The following FSTL5 variants were observed in gnomAD, a reference collection of about 807,000 sequenced individuals.
FSTL5 encodes follistatin-related protein 5.
FSTL5 carries 62 observed loss-of-function variants against 89.1 expected under a neutral mutation model. The ratio of observed to expected loss-of-function variants is 0.70; its 90% CI spans 0.57 to 0.86. The LOEUF is 0.86. Ranked by LOEUF, FSTL5 falls within the 40% of genes least tolerant of loss-of-function variation. FSTL5 has a pLI of 0.00. For missense variants in FSTL5, 1,057 were observed against 1,001.6 expected, an observed-to-expected ratio of 1.06 and a Z score of -0.75; for synonymous variants, 383 against 346.2, an observed-to-expected ratio of 1.11 and a Z score of -1.18.
chr4:161,727,804 A>T (rs1739471580), intron 6 of FSTL5, among the ~76,000 whole-genome samples: 1 of 152,228 alleles, frequency 6.6e-6, no homozygotes, highest in South Asian at 2.1e-4. Flanking sequence ...ATATAAGAGA[A>T]GGCTTTCTGG....
intron 10 of FSTL5, among the ~76,000 whole-genome samples, chr4:161,526,848 A>T (rs1392195364): frequency 1.3e-5 from 2 of 152,172 alleles, no homozygotes; most frequent in Non-Finnish European, 2.9e-5. Context: ...TGGTTACTGT[A>T]GCCTTGTAGT....
At chr4:161,679,710 T>A (rs148583459) in intron 6 of FSTL5, among the ~76,000 whole-genome samples, 1 of 151,928 alleles carries the variant, frequency 6.6e-6, no homozygotes, top group African/African-American at 2.4e-5. Context: ...GAGATAAACA[T>A]CTCATTGAGA....
intron 6 of FSTL5, among the ~76,000 whole-genome samples, chr4:161,755,644 A>G (rs1445381811): frequency 6.6e-6 from 1 of 152,050 alleles, no homozygotes; most frequent in Middle Eastern, 3.2e-3. Flanking sequence ...CTGGATGTGG[A>G]AAAATGGTTC....
At position 161,920,446 on chromosome 4, in the gene FSTL5, G is replaced by GT. The variant is rs1293605811; in HGVS notation, c.366dup (p.Gln123ThrfsTer9). 1.2e-6 allele frequency: 2 copies of GT among 1,613,796 alleles called. No individual in the cohort carries two copies. Among genetic ancestry groups the GT allele is most frequent in the Non-Finnish European group, 1.7e-6 (2 of 1,179,924 alleles). On this transcript the variant is annotated frameshift_variant, in exon 4 of 16. Coordinates refer to ENST00000306100, the MANE Select transcript of FSTL5 (RefSeq NM_020116.5). LOFTEE classifies it high-confidence loss of function. ...TCATTGTGAACAATGGTAATCTTTT[G>GT]TTTTTTCAGGCAAGCAGCTCTGTGC...
At chr4:161,723,952 T>C (rs1739306944) in intron 6 of FSTL5, among the ~76,000 whole-genome samples, 1 of 152,040 alleles carries the variant, frequency 6.6e-6, no homozygotes, top group South Asian at 2.1e-4. Flanking sequence ...ATTAAAACTA[T>C]TAAATGTTGA....
intron 4 of FSTL5, among the ~76,000 whole-genome samples, chr4:161,888,946 C>T (rs1436019248): frequency 6.6e-6 from 1 of 152,038 alleles, no homozygotes; most frequent in African/African-American, 2.4e-5. Flanking sequence ...TTTCACAAAA[C>T]ATGGCAGGAG....
intron 15 of FSTL5, among the ~76,000 whole-genome samples, chr4:161,422,606 G>C (rs569917478): frequency 6.6e-6 from 1 of 152,256 alleles, no homozygotes; most frequent in Admixed American, 6.5e-5. Flanking sequence ...ATCCACGCTG[G>C]ACCTTAGGGC....
chr4:161,531,611 T>G (rs1731414051), intron 10 of FSTL5, among the ~76,000 whole-genome samples: 1 of 152,296 alleles, frequency 6.6e-6, no homozygotes, highest in East Asian at 1.9e-4. Context: ...TAGCTTCTGC[T>G]TTGATTGTGA....
intron 15 of FSTL5, among the ~76,000 whole-genome samples, chr4:161,441,336 A>G (rs1468304013): frequency 6.6e-6 from 1 of 151,862 alleles, no homozygotes; most frequent in East Asian, 1.9e-4. Flanking sequence ...AAATTACTTA[A>G]TAAGTATATT....
intron 10 of FSTL5, among the ~76,000 whole-genome samples, chr4:161,537,932 T>A (rs1476097644): frequency 1.3e-5 from 2 of 152,198 alleles, no homozygotes; most frequent in East Asian, 3.8e-4. Flanking sequence ...AAACACCATA[T>A]GTACACTTGC....
At chr4:161,805,115 A>T (rs1729922312) in intron 4 of FSTL5, among the ~76,000 whole-genome samples, 1 of 152,024 alleles carries the variant, frequency 6.6e-6, no homozygotes, top group African/African-American at 2.4e-5. Context: ...AACATCTTTG[A>T]CTCACACTTC....
chr4:161,474,215 G>A (rs73861540), intron 13 of FSTL5, among the ~76,000 whole-genome samples: 4,085 of 152,050 alleles, frequency 0.027, 185 homozygotes, highest in African/African-American at 0.093. Context: ...AGAAAACTCT[G>A]CTCCTTTAAT....
chr4:161,802,685 C>T (rs1445942214), intron 4 of FSTL5, among the ~76,000 whole-genome samples: 5 of 151,468 alleles, frequency 3.3e-5, no homozygotes, highest in Admixed American at 3.3e-4. Flanking sequence ...CTATCATTGC[C>T]GCTAAAAATA....
intron 4 of FSTL5, among the ~76,000 whole-genome samples, chr4:161,842,545 CT>C (rs1253808328): frequency 5.9e-5 from 9 of 152,002 alleles, no homozygotes; most frequent in East Asian, 3.9e-4. Context: ...AAACTTGCCC[CT>C]AATTAATGTC....
At chr4:161,936,558 C>G (rs1734438535) in intron 3 of FSTL5, among the ~76,000 whole-genome samples, 1 of 152,050 alleles carries the variant, frequency 6.6e-6, no homozygotes, top group Non-Finnish European at 1.5e-5. Flanking sequence ...AGCTGCAAAC[C>G]TTATTTATAC....
intron 3 of FSTL5, among the ~76,000 whole-genome samples, chr4:161,966,876 T>G (rs2110999628): frequency 6.6e-6 from 1 of 152,156 alleles, no homozygotes; most frequent in African/African-American, 2.4e-5. Flanking sequence ...TCTACTTGGG[T>G]ATATCTATTC....
At chr4:161,834,315 G>A (rs970331480) in intron 4 of FSTL5, among the ~76,000 whole-genome samples, 9 of 152,176 alleles carry the variant, frequency 5.9e-5, no homozygotes, top group African/African-American at 1.7e-4. Context: ...AATAACAAGA[G>A]TTATCTATGA....
chr4:161,884,809 T>A (rs1371557931), intron 4 of FSTL5, among the ~76,000 whole-genome samples: 2 of 152,146 alleles, frequency 1.3e-5, no homozygotes, highest in Non-Finnish European at 2.9e-5. Context: ...ACTATCCGGC[T>A]TTTTAAAAAT....
intron 15 of FSTL5, among the ~76,000 whole-genome samples, chr4:161,433,074 T>C (rs2126345401): frequency 6.6e-6 from 1 of 150,472 alleles, no homozygotes; most frequent in East Asian, 2.0e-4. Flanking sequence ...ACTCATTCTA[T>C]AAGGCCAGCA....
Sources: gnomAD v4.1 joint callset for allele counts (sites outside exome capture counted in the v4.1 genomes callset) on GRCh38, gnomAD v4.1.1 for gene constraint, MANE v1.5 for transcripts, NCBI Gene and HGNC (gene_info 2026-07-23, HGNC 2026-07-21) for gene names.